The following DCDC1 variants were observed in gnomAD, a reference collection of about 807,000 sequenced individuals.
DCDC1 encodes doublecortin domain containing 1.
DCDC1 carries 200 observed loss-of-function variants against 178.3 expected under a neutral mutation model. The ratio of observed to expected loss-of-function variants is 1.12; its 90% confidence interval spans 1.00 to 1.26. The LOEUF (loss-of-function observed/expected upper bound fraction) is 1.26, where lower values mean the gene tolerates loss of function less well. Ranked by LOEUF, DCDC1 falls within the 50% of genes most tolerant of loss-of-function variation. DCDC1 has a pLI of 0.00. For synonymous variants in DCDC1, 690 were observed against 604.8 expected (o/e 1.14, Z -2.07); for missense variants, 1,983 against 1,749.2 (o/e 1.13, Z -2.38).
chr11:31,168,092 A>T (rs1329005381), intron 9 of DCDC1, among the ~76,000 whole-genome samples: 1 of 151,898 alleles, frequency 6.6e-6, no homozygotes, highest in Non-Finnish European at 1.5e-5. Flanking sequence ...GTCAAGTCCC[A>T]CCTCCTTTGT....
intron 21 of DCDC1, among the ~76,000 whole-genome samples, chr11:30,938,576 C>CTAATTACT: frequency 6.6e-6 from 1 of 152,090 alleles, no homozygotes; most frequent in South Asian, 2.1e-4. Context: ...AACATGGGGG[C>CTAATTACT]TAATTACTTG....
chr11:31,111,837 G>A (rs1284000915), intron 11 of DCDC1, among the ~76,000 whole-genome samples: 2 of 152,144 alleles, frequency 1.3e-5, no homozygotes, highest in Non-Finnish European at 2.9e-5. Flanking sequence ...AGACTTGCTA[G>A]ACATGGAGTC....
intron 9 of DCDC1, among the ~76,000 whole-genome samples, chr11:31,173,296 C>T (rs1412401552): frequency 5.3e-5 from 8 of 152,136 alleles, no homozygotes; most frequent in African/African-American, 1.9e-4. Context: ...TCACCCGAGA[C>T]TCATTCACAC....
intron 10 of DCDC1, among the ~76,000 whole-genome samples, chr11:31,131,708 C>T (rs1233931114): frequency 6.6e-6 from 1 of 152,196 alleles, no homozygotes; most frequent in Non-Finnish European, 1.5e-5. Flanking sequence ...CCATCTCCAG[C>T]ATCATGTGAT....
chr11:31,291,030 C>A (rs1401543545), intron 6 of DCDC1, among the ~76,000 whole-genome samples, 178 bp from the exon 7 acceptor site: 1 of 151,990 alleles, frequency 6.6e-6, no homozygotes, highest in Non-Finnish European at 1.5e-5. Context: ...CTGTAGCAAG[C>A]TGTCTGCTCT....
chr11:31,103,510 A>G, intron 14 of DCDC1, 134 bp downstream of exon 14: 1 of 549,444 alleles, frequency 1.8e-6, no homozygotes, highest in Non-Finnish European at 3.2e-6. Flanking sequence ...AAGTCAATAA[A>G]AGAAACAATT....
rs370958717 is a variant in DCDC1, at chr11:30,872,990, A to AAT, written c.*40+5552_*40+5553dup. Among the ~76,000 whole-genome samples, 270 of 149,146 alleles carry AAT rather than the reference A, an allele frequency of 1.8e-3. 1 individual carries two copies. Among genetic ancestry groups the AAT allele is most frequent in the African/African-American group, 4.7e-3 (194 of 40,884 alleles). ...GAACAGTGAGTGCAGTGACTGCCTG[A>AAT]ATATATATATATATAAATATATATT... On this transcript the variant is annotated intron_variant, in intron 38 of 38. Coordinates refer to ENST00000684477, the MANE Select transcript of DCDC1 (RefSeq NM_001387274.1).
At chr11:31,069,373 A>G (rs1590939768) in intron 18 of DCDC1, among the ~76,000 whole-genome samples, 1 of 152,252 alleles carries the variant, frequency 6.6e-6, no homozygotes, top group Non-Finnish European at 1.5e-5. Context: ...TTATTGCATT[A>G]TGTTACTTTT....
At chr11:31,101,147 T>C (rs1565283893) in intron 15 of DCDC1, among the ~76,000 whole-genome samples, 2 of 152,190 alleles carry the variant, frequency 1.3e-5, no homozygotes, top group Non-Finnish European at 2.9e-5. Context: ...GCATTGACTC[T>C]TGGAAATACA....
At position 31,333,099 on chromosome 11, in the gene DCDC1, G is replaced by T. The variant is rs770379486; in HGVS notation, c.-7+2348C>A. On this transcript the variant is annotated intron_variant, in intron 2 of 38. Coordinates refer to ENST00000684477, the MANE Select transcript of DCDC1 (RefSeq NM_001387274.1). ...GTGCATATATATCTATGCTAGTTAG[G>T]TCTTCTTGTTGAATTGATCCCTTTA... 5.3e-4 allele frequency among the ~76,000 whole-genome samples: 80 copies of T among 152,164 alleles called. 1 individual carries two copies. The highest frequency in any genetic ancestry group is 4.1e-4 in the Non-Finnish European group (28 of 67,978).
chr11:31,104,660 A>G (rs2135753759), intron 13 of DCDC1, among the ~76,000 whole-genome samples: 1 of 152,252 alleles, frequency 6.6e-6, no homozygotes, highest in East Asian at 1.9e-4. Context: ...ATATTACATT[A>G]CTGTTGACTG....
chr11:31,182,181 C>T (rs1968888043), intron 9 of DCDC1, among the ~76,000 whole-genome samples: 1 of 152,168 alleles, frequency 6.6e-6, no homozygotes, highest in Admixed American at 6.5e-5. Flanking sequence ...AGGACATTAT[C>T]CAGGAAAACT....
chr11:30,869,048 G>C (rs1452718377), intron 38 of DCDC1, among the ~76,000 whole-genome samples: 2 of 152,244 alleles, frequency 1.3e-5, no homozygotes, highest in African/African-American at 2.4e-5. Context: ...CTTGTGAAAG[G>C]GGGTGACAAG....
chr11:31,174,579 C>T (rs1319856715), intron 9 of DCDC1, among the ~76,000 whole-genome samples: 1 of 152,166 alleles, frequency 6.6e-6, no homozygotes, highest in Non-Finnish European at 1.5e-5. Context: ...CAGGGAAAAC[C>T]TGAAGCCTGG....
At chr11:31,210,096 A>C (rs1403906375) in intron 9 of DCDC1, among the ~76,000 whole-genome samples, 1 of 152,174 alleles carries the variant, frequency 6.6e-6, no homozygotes, top group Non-Finnish European at 1.5e-5. Context: ...ATCCATGCCC[A>C]TATATTTCTT....
Position 30,920,911 on chromosome 11 carries a change from T to A in DCDC1, c.3158A>T (p.Asp1053Val), listed in dbSNP as rs1454814203. 8 of 1,612,204 alleles carry A rather than the reference T, an allele frequency of 5.0e-6. No homozygotes were observed. Among genetic ancestry groups the A allele is most frequent in the Non-Finnish European group, 6.8e-6 (8 of 1,179,044 alleles). The change falls in exon 25 of 39, where the codon GAC (aspartate) becomes GTC (valine). Residue 1053 changes from aspartate to valine, a missense_variant. Coordinates refer to ENST00000684477, the MANE Select transcript of DCDC1 (RefSeq NM_001387274.1). The part of the protein sequence containing the change: ...IEALVLEVQS[D>V]IVSGSKLAVH... Reference sequence around the variant, plus strand: ...AGCAAGCTTGCTTCCAGATACAATGTCACTTTGGACTTCTAAAACAAGAGC... The same window carrying A: ...AGCAAGCTTGCTTCCAGATACAATGACACTTTGGACTTCTAAAACAAGAGC...
At chr11:30,979,201 C>T (rs1243069620) in intron 20 of DCDC1, among the ~76,000 whole-genome samples, 20 of 152,064 alleles carry the variant, frequency 1.3e-4, no homozygotes, top group Admixed American at 1.3e-3. Flanking sequence ...CATCATCACA[C>T]TTCGAATAGA....
intron 36 of DCDC1, among the ~76,000 whole-genome samples, chr11:30,889,874 T>G (rs1943619533): frequency 6.6e-6 from 1 of 152,206 alleles, no homozygotes; most frequent in Non-Finnish European, 1.5e-5. Flanking sequence ...AAATTCATGG[T>G]TAAGCCCTAA....
chr11:30,947,383 A>G (rs1053546254), intron 21 of DCDC1, among the ~76,000 whole-genome samples: 3 of 152,146 alleles, frequency 2.0e-5, no homozygotes, highest in African/African-American at 7.2e-5. Context: ...AAATGAATAG[A>G]ATAGATGGCC....
Sources: allele counts gnomAD v4.1 joint callset (sites outside exome capture counted in the v4.1 genomes callset), GRCh38; gene constraint gnomAD v4.1.1; transcripts MANE v1.5; gene names NCBI Gene and HGNC (gene_info 2026-07-23, HGNC 2026-07-21).